C12orf76: variants seen among roughly 807,000 people sequenced by gnomAD.
The protein encoded by C12orf76 is uncharacterized protein C12orf76.
Under a neutral mutation model 6.8 loss-of-function variants are expected in C12orf76, and 6 were observed. That is an observed-to-expected ratio of 0.88 (90% CI 0.48 to 1.73). The LOEUF (loss-of-function observed/expected upper bound fraction) is 1.73, where lower values mean the gene tolerates loss of function less well. Among genes scored for constraint, C12orf76 ranks in the 40% most tolerant of loss-of-function variants. C12orf76 has a pLI of 0.01. For synonymous variants in C12orf76, 56 were observed against 43.7 expected (o/e 1.28, Z -1.11); for missense variants, 99 against 98.2 (o/e 1.01, Z -0.03).
At chr12:110,053,404 C>G (rs377647470), upstream of C12orf76, among the ~76,000 whole-genome samples, 3 of 152,134 alleles carry the variant, frequency 2.0e-5, no homozygotes, top group East Asian at 3.9e-4. Context: ...GAGGCTGAGG[C>G]AGGAGAATTG....
chr12:110,051,495 C>T (rs1382495411), upstream of C12orf76, among the ~76,000 whole-genome samples: 1 of 150,866 alleles, frequency 6.6e-6, no homozygotes, highest in Non-Finnish European at 1.5e-5. Flanking sequence ...GGTGTGATCT[C>T]GGCTCACTGC....
chr12:110,066,754 T>TCTGGTGCC (rs2058013827), intron 1 of C12orf76, among the ~76,000 whole-genome samples: 1 of 151,812 alleles, frequency 6.6e-6, no homozygotes, highest in African/African-American at 2.4e-5. Flanking sequence ...CCTCCTGGTG[T>TCTGGTGCC]CTGGTGCCTC....
chr12:110,042,601 C>T, intron 1 of C12orf76, 142 bp from the exon 2 acceptor site: 1 of 708,930 alleles, frequency 1.4e-6, no homozygotes, highest in Non-Finnish European at 2.6e-6. Flanking sequence ...CAGATCCTCT[C>T]TCCAGTTGTC....
intron 1 of C12orf76, among the ~76,000 whole-genome samples, chr12:110,066,939 C>T (rs1892878203): frequency 6.6e-6 from 1 of 152,204 alleles, no homozygotes; most frequent in African/African-American, 2.4e-5. Flanking sequence ...CGAATGAGAA[C>T]ACAGGCTCAC....
upstream of C12orf76, among the ~76,000 whole-genome samples, chr12:110,053,851 A>AATTC (rs1307387870): frequency 2.0e-5 from 3 of 152,116 alleles, no homozygotes; most frequent in Non-Finnish European, 2.9e-5. Flanking sequence ...TGGGAGGCTG[A>AATTC]AGCAGGGGAA....
At chr12:110,052,077 T>C (rs560781211), upstream of C12orf76, among the ~76,000 whole-genome samples, 2 of 149,472 alleles carry the variant, frequency 1.3e-5, no homozygotes, top group African/African-American at 4.9e-5. Flanking sequence ...TATTTTTTTT[T>C]AGTAGAGACG....
intron 2 of C12orf76, chr12:110,065,749 G>A (rs1045227762): frequency 6.3e-7 from 1 of 1,580,200 alleles, no homozygotes; most frequent in Admixed American, 1.7e-5. Context: ...TGAGTCAGAT[G>A]GTTTCACTTC....
At chr12:110,069,883 A>C (rs567860926), upstream of C12orf76, among the ~76,000 whole-genome samples, 11 of 152,348 alleles carry the variant, frequency 7.2e-5, no homozygotes, top group Admixed American at 1.3e-4. Context: ...TGATTTCATC[A>C]TGTGAAAGAA....
upstream of C12orf76, chr12:110,049,150 T>TG (rs1892530933): frequency 6.6e-6 from 1 of 152,230 alleles, no homozygotes. Flanking sequence ...TCCCAGAGAC[T>TG]GGGGGAGAGA....
chr12:110,062,784 T>TAA (rs1892793889), intron 2 of C12orf76, among the ~76,000 whole-genome samples: 2 of 132,650 alleles, frequency 1.5e-5, no homozygotes, highest in African/African-American at 6.0e-5. Context: ...CATGCCCAGC[T>TAA]AATATTTTTT....
intron 1 of C12orf76, among the ~76,000 whole-genome samples, chr12:110,047,017 A>C (rs1374799527): frequency 6.6e-6 from 1 of 152,206 alleles, no homozygotes; most frequent in East Asian, 1.9e-4. Context: ...ACTATTTAGT[A>C]GAGTGCTAGG....
At chr12:110,066,399 A>C (rs1484848468) in intron 1 of C12orf76, among the ~76,000 whole-genome samples, 3 of 143,228 alleles carry the variant, frequency 2.1e-5, no homozygotes, top group South Asian at 4.5e-4. Flanking sequence ...AAAAAAAAAA[A>C]AAAAACGGCT....
chr12:110,056,896 C>A (rs937515244), intron 4 of C12orf76: 1 of 313,316 alleles, frequency 3.2e-6, no homozygotes, highest in Non-Finnish European at 6.0e-6. Flanking sequence ...CCATGTGGAA[C>A]TGTGAGTCCA....
chr12:110,042,569 G>A (rs762122840), intron 1 of C12orf76, 110 bp from the exon 2 acceptor site: 1 of 745,298 alleles, frequency 1.3e-6, no homozygotes, highest in Non-Finnish European at 2.4e-6. Flanking sequence ...ACTATGTCAA[G>A]TGCTGTGCAA....
At chr12:110,057,311 C>T in intron 3 of C12orf76, 3 of 1,553,568 alleles carry the variant, frequency 1.9e-6, no homozygotes, top group Non-Finnish European at 2.7e-6. Flanking sequence ...GGTTCCAGAG[C>T]AAAAGTAACA....
chr12:110,054,214 T>C (rs1287193068), upstream of C12orf76, among the ~76,000 whole-genome samples: 1 of 152,132 alleles, frequency 6.6e-6, no homozygotes, highest in Non-Finnish European at 1.5e-5. The surrounding 1 kb of genome is among the most constrained non-coding windows in gnomAD (Gnocchi z 4.4). Context: ...GATATAAAGT[T>C]TAGAGAAATC....
chr12:110,059,959 T>C (rs1892741606), intron 2 of C12orf76, among the ~76,000 whole-genome samples: 1 of 152,250 alleles, frequency 6.6e-6, no homozygotes, highest in South Asian at 2.1e-4. Flanking sequence ...TTGTGGTTAC[T>C]GCTGGTGATG....
At chr12:110,066,393 A>C (rs1317809416) in intron 1 of C12orf76, among the ~76,000 whole-genome samples, 32 of 142,142 alleles carry the variant, frequency 2.3e-4, no homozygotes, top group Non-Finnish European at 3.8e-4. Flanking sequence ...AAAAAAAAAA[A>C]AAAAAAAAAA....
chr12:110,046,209 T>C (rs571197840), intron 1 of C12orf76, among the ~76,000 whole-genome samples: 4 of 152,064 alleles, frequency 2.6e-5, no homozygotes, highest in South Asian at 2.1e-4. Context: ...GGGCAGTTCA[T>C]GAGGTCAAGA....
Sources: allele counts gnomAD v4.1 joint callset (sites outside exome capture counted in the v4.1 genomes callset), GRCh38; gene constraint gnomAD v4.1.1; non-coding constraint Gnocchi (gnomAD v3.1); transcripts MANE v1.5; gene names NCBI Gene and HGNC (gene_info 2026-07-23, HGNC 2026-07-21).